SMYD3: variants seen among roughly 807,000 people sequenced by gnomAD.
SMYD3 encodes the protein histone-lysine N-methyltransferase SMYD3.
A neutral mutation model predicts 57.7 loss-of-function variants in SMYD3; 36 were observed. That is an observed-to-expected ratio of 0.62 (90% CI 0.48 to 0.82). SMYD3 has a LOEUF of 0.82. SMYD3 is among the 40% of genes least tolerant of loss of function. The pLI is 0.00. For missense variants in SMYD3, 515 were observed against 538.8 expected (o/e 0.96, Z 0.44); for synonymous variants, 211 against 195.0 (o/e 1.08, Z -0.68).
At chr1:246,176,855 T>C (rs898382438) in intron 5 of SMYD3, among the ~76,000 whole-genome samples, 4 of 152,176 alleles carry the variant, frequency 2.6e-5, no homozygotes, top group Admixed American at 6.5e-5. Context: ...ACTGGTAATA[T>C]TGGCTCTTCC....
chr1:245,796,565 AT>A lies in SMYD3; in HGVS notation c.1077-32417del, dbSNP rs1398470420. Among the ~76,000 whole-genome samples, 6 of 152,212 alleles carry A rather than the reference AT, an allele frequency of 3.9e-5. No homozygotes were observed. The East Asian group carries it at 1.2e-3, about 29-fold the overall frequency. ...CCCTATAATTTCCTACATATTTATG[AT>A]TTTCACAGGAAACAATTTTTTTCCA... is the stretch of plus-strand genomic sequence containing the variant. On this transcript the variant is annotated intron_variant, in intron 10 of 11. Transcript: ENST00000490107.
intron 10 of SMYD3, among the ~76,000 whole-genome samples, chr1:245,858,028 C>T (rs9287182): frequency 0.56 from 84,511 of 151,988 alleles, 26,674 homozygotes; most frequent in Non-Finnish European, 0.73. Flanking sequence ...AATGATTCAA[C>T]TGAAAGCATA....
chr1:245,897,768 G>A (rs1437791629), intron 8 of SMYD3, among the ~76,000 whole-genome samples: 1 of 151,916 alleles, frequency 6.6e-6, no homozygotes, highest in Non-Finnish European at 1.5e-5. Flanking sequence ...GTGGTGGTGC[G>A]CGGCGCCTGT....
chr1:246,077,683 T>G (rs1040508080), intron 5 of SMYD3, among the ~76,000 whole-genome samples: 2 of 152,082 alleles, frequency 1.3e-5, no homozygotes, highest in African/African-American at 4.8e-5. Flanking sequence ...CAGGATTTCC[T>G]TTGCAAATTA....
At chr1:245,940,287 C>T (rs1190566501) in intron 5 of SMYD3, among the ~76,000 whole-genome samples, 1 of 152,238 alleles carries the variant, frequency 6.6e-6, no homozygotes, top group Non-Finnish European at 1.5e-5. Flanking sequence ...GGGGCAGCCA[C>T]ACTGCTTCTT....
intron 5 of SMYD3, among the ~76,000 whole-genome samples, chr1:246,020,165 C>T (rs919195977): frequency 1.3e-5 from 2 of 152,194 alleles, no homozygotes; most frequent in Non-Finnish European, 2.9e-5. Flanking sequence ...GCCACCATTG[C>T]ACAAGAACAC....
At chr1:245,955,865 A>T (rs1290858665) in intron 5 of SMYD3, 1 of 849,262 alleles carries the variant, frequency 1.2e-6, no homozygotes, top group South Asian at 5.6e-5. Flanking sequence ...TGATTTTGCA[A>T]TTTGTTTTGG....
At chr1:246,341,047 C>G (rs12747755) in intron 2 of SMYD3, among the ~76,000 whole-genome samples, 2 of 151,986 alleles carry the variant, frequency 1.3e-5, no homozygotes, top group Non-Finnish European at 2.9e-5. Context: ...TGAAAGTTAA[C>G]TTTTCCAGCT....
At chr1:246,466,679 A>C (rs2067886736) in intron 1 of SMYD3, among the ~76,000 whole-genome samples, 1 of 152,154 alleles carries the variant, frequency 6.6e-6, no homozygotes, top group African/African-American at 2.4e-5. Context: ...AACCTAAAAT[A>C]AAAATTTTAA....
At chr1:245,895,743 A>G (rs2053734432) in intron 8 of SMYD3, among the ~76,000 whole-genome samples, 1 of 152,228 alleles carries the variant, frequency 6.6e-6, no homozygotes, top group South Asian at 2.1e-4. Context: ...TGTACAGCCC[A>G]CATGGGAATC....
chr1:245,858,033 A>G (rs971412410), intron 10 of SMYD3, among the ~76,000 whole-genome samples: 4 of 152,168 alleles, frequency 2.6e-5, no homozygotes, highest in African/African-American at 7.2e-5. Flanking sequence ...TTCAACTGAA[A>G]GCATAAATCC....
chr1:245,914,492 CTA>C (rs1409731616), intron 8 of SMYD3, among the ~76,000 whole-genome samples: 3 of 152,110 alleles, frequency 2.0e-5, no homozygotes, highest in Non-Finnish European at 4.4e-5. Flanking sequence ...CTAGAGGACA[CTA>C]TGTTAAGCAA....
At chr1:245,829,271 A>G (rs576485291) in intron 10 of SMYD3, among the ~76,000 whole-genome samples, 2 of 152,290 alleles carry the variant, frequency 1.3e-5, no homozygotes, top group Admixed American at 1.3e-4. Flanking sequence ...TAATCAATCA[A>G]CAAGTATTTA....
At chr1:245,866,773 A>G (rs12030936) in intron 8 of SMYD3, among the ~76,000 whole-genome samples, 87,262 of 151,758 alleles carry the variant, frequency 0.58, 27,584 homozygotes, top group Non-Finnish European at 0.73. Flanking sequence ...GTCTCCCTTC[A>G]AATGCCTGCT....
intron 5 of SMYD3, among the ~76,000 whole-genome samples, chr1:246,277,311 C>T (rs556793388): frequency 3.9e-5 from 6 of 152,218 alleles, no homozygotes; most frequent in Admixed American, 1.3e-4. Flanking sequence ...CACAATATAA[C>T]GTCCTTGCAC....
intron 1 of SMYD3, among the ~76,000 whole-genome samples, chr1:246,361,994 T>G (rs531139878): frequency 4.6e-5 from 7 of 152,282 alleles, no homozygotes; most frequent in African/African-American, 1.7e-4. Flanking sequence ...CGCATGGCCC[T>G]GGACCCATAG....
At chr1:246,325,297 T>TCGGGGGGGCGGGAAGGAGGGAGAAGGAG (rs1558402300) in intron 5 of SMYD3, among the ~76,000 whole-genome samples, 4 of 19,840 alleles carry the variant, frequency 2.0e-4, no homozygotes, top group Admixed American at 7.0e-4. Flanking sequence ...GGAGAAGGAG[T>TCGGGGGGGCGGGAAGGAGGGAGAAGGAG]TGGGGGGGCG....
chr1:245,856,026 C>CG (rs1412525672), intron 10 of SMYD3, among the ~76,000 whole-genome samples: 1 of 152,212 alleles, frequency 6.6e-6, no homozygotes, highest in Non-Finnish European at 1.5e-5. Flanking sequence ...GGAGCCGATG[C>CG]GGGGGGCTGA....
chr1:245,884,795 A>ACCAATCAGCACTCTGTAAAATGGC (rs144180750), intron 8 of SMYD3, among the ~76,000 whole-genome samples: 2 of 151,346 alleles, frequency 1.3e-5, no homozygotes, highest in East Asian at 1.9e-4. Flanking sequence ...TTGTAAACGG[A>ACCAATCAGCACTCTGTAAAATGGC]CCAATCAGCA....
Sources: gnomAD v4.1 joint callset for allele counts (sites outside exome capture counted in the v4.1 genomes callset) on GRCh38, gnomAD v4.1.1 for gene constraint, MANE v1.5 for transcripts, NCBI Gene and HGNC (gene_info 2026-07-23, HGNC 2026-07-21) for gene names.